Variants in PRKCE observed in about 807,000 individuals in gnomAD.
PRKCE encodes protein kinase C epsilon, also known as protein kinase C epsilon type.
PRKCE carries 16 observed loss-of-function variants against 85.4 expected under a neutral mutation model. The observed-to-expected ratio is 0.19, with a 90% CI of 0.13 to 0.28. The LOEUF (loss-of-function observed/expected upper bound fraction) is 0.28, where lower values mean the gene tolerates loss of function less well. Among genes scored for constraint, PRKCE ranks in the 10% least tolerant of loss-of-function variants. PRKCE has a pLI of 1.00. For synonymous variants in PRKCE, 388 were observed against 371.5 expected (o/e 1.04, Z -0.51); for missense variants, 573 against 975.2 (o/e 0.59, Z 5.49).
In PRKCE at chr2:45,652,981, A is replaced by T. The variant is rs139204157; in HGVS notation, c.348+533A>T. On this transcript the variant is annotated intron_variant, in intron 1 of 14. Transcript: ENST00000306156. This position sits in a 1 kb window ranked among gnomAD's most constrained non-coding sequence, Gnocchi z 7.7. ...GTGGTTAGCTCATCTTCTGACATAC[A>T]AGTAGAAAAAATGTGTTCTCCTCCA... 2.0e-5 allele frequency among the ~76,000 whole-genome samples: 3 copies of T among 152,038 alleles called. No homozygotes were observed. The highest frequency in any genetic ancestry group is 4.4e-5 in the Non-Finnish European group (3 of 67,976).
intron 1 of PRKCE, among the ~76,000 whole-genome samples, chr2:45,716,367 A>G (rs1426074180): frequency 6.6e-6 from 1 of 152,072 alleles, no homozygotes; most frequent in African/African-American, 2.4e-5. Flanking sequence ...AAATACAAAA[A>G]TTAGCCAGGC....
chr2:46,102,448 G>A (rs1671332488), intron 11 of PRKCE, among the ~76,000 whole-genome samples: 1 of 152,086 alleles, frequency 6.6e-6, no homozygotes, highest in African/African-American at 2.4e-5. Context: ...TGCAAAGATA[G>A]AACAGAGAGT....
chr2:46,065,504 A>G (rs553515160), intron 10 of PRKCE, among the ~76,000 whole-genome samples: 2 of 152,300 alleles, frequency 1.3e-5, no homozygotes, highest in Non-Finnish European at 1.5e-5. Context: ...TTTTGGTAAA[A>G]AATTTGTTGT....
chr2:45,776,216 A>T (rs1314413864), intron 1 of PRKCE, among the ~76,000 whole-genome samples: 1 of 152,216 alleles, frequency 6.6e-6, no homozygotes, highest in Non-Finnish European at 1.5e-5. Context: ...ACATGGGTTG[A>T]ATAGCAAAGC....
At chr2:45,961,333 C>A (rs1029540041) in intron 2 of PRKCE, among the ~76,000 whole-genome samples, 9 of 152,176 alleles carry the variant, frequency 5.9e-5, no homozygotes, top group African/African-American at 2.2e-4. Context: ...TACCTATTAC[C>A]TCTTGAATGA....
chr2:45,706,544 C>T (rs1341993744), intron 1 of PRKCE, among the ~76,000 whole-genome samples: 2 of 152,188 alleles, frequency 1.3e-5, no homozygotes, highest in Non-Finnish European at 1.5e-5. Context: ...TTGCAGGAGT[C>T]AGATTGGGTT....
intron 1 of PRKCE, among the ~76,000 whole-genome samples, chr2:45,818,873 G>A (rs1387120197): frequency 6.6e-6 from 1 of 152,224 alleles, no homozygotes; most frequent in South Asian, 2.1e-4. Context: ...CTAATAGCTT[G>A]CAAGAATCCA....
intron 2 of PRKCE, chr2:45,851,793 A>G (rs925651600): frequency 2.0e-5 from 3 of 152,250 alleles, no homozygotes; most frequent in African/African-American, 7.2e-5. Flanking sequence ...GGAACTCCAC[A>G]AAGAATGCTC....
chr2:46,090,158 T>A (rs1670024347), intron 11 of PRKCE, among the ~76,000 whole-genome samples: 1 of 152,162 alleles, frequency 6.6e-6, no homozygotes, highest in Non-Finnish European at 1.5e-5. Flanking sequence ...GCCATAATAA[T>A]CATAAACACA....
At chr2:45,689,379 G>T (rs1228754862) in intron 1 of PRKCE, among the ~76,000 whole-genome samples, 4 of 152,110 alleles carry the variant, frequency 2.6e-5, no homozygotes, top group Middle Eastern at 3.2e-3. Flanking sequence ...GAATGGCCAG[G>T]GGTCCGGCCT....
At chr2:45,914,028 C>A (rs978635198) in intron 2 of PRKCE, among the ~76,000 whole-genome samples, 5 of 152,200 alleles carry the variant, frequency 3.3e-5, no homozygotes, top group African/African-American at 9.7e-5. Flanking sequence ...ACTTTTCTTC[C>A]TGGATTGAAA....
intron 2 of PRKCE, among the ~76,000 whole-genome samples, chr2:45,855,520 T>C (rs927542358): frequency 1.1e-4 from 17 of 152,220 alleles, no homozygotes; most frequent in African/African-American, 4.1e-4. Flanking sequence ...CCTTAATGTC[T>C]CTCTCGTGTA....
At position 45,791,201 on chromosome 2, in the gene PRKCE, C is replaced by G. The variant is rs948459954; in HGVS notation, c.349-51799C>G. On this transcript the variant is annotated intron_variant, in intron 1 of 14. Coordinates refer to ENST00000306156, the MANE Select transcript of PRKCE (RefSeq NM_005400.3). ...GCCCTGCTGAACCTCCTCATTCCCA[C>G]CTAATCAGCCCCTTTAAGTCCTTTT... is the stretch of plus-strand genomic sequence containing the variant. Among the ~76,000 whole-genome samples the G allele has an allele frequency of 3.3e-5, 5 of 152,180 alleles. No homozygotes were observed. In the East Asian group the frequency reaches 5.8e-4, roughly 18 times the overall value.
chr2:45,789,034 G>T lies in PRKCE; in HGVS notation c.349-53966G>T, dbSNP rs546346230. ...CTCTCCTTGGGATTCTAATGTGCAA[G>T]CAAGGTGGAGAACCACCCACTTAGA... On this transcript the variant is annotated intron_variant, in intron 1 of 14. Transcript: ENST00000306156. Among the ~76,000 whole-genome samples the T allele has an allele frequency of 1.3e-3, 195 of 152,280 alleles. 2 individuals are homozygous for T. Among genetic ancestry groups the T allele is most frequent in the African/African-American group, 4.6e-3 (193 of 41,544 alleles).
At chr2:46,009,846 A>G (rs546555868) in intron 9 of PRKCE, among the ~76,000 whole-genome samples, 1 of 152,378 alleles carries the variant, frequency 6.6e-6, no homozygotes, top group Admixed American at 6.5e-5. Flanking sequence ...TGTCTGTAAG[A>G]TAATGTTCAG....
intron 2 of PRKCE, among the ~76,000 whole-genome samples, chr2:45,914,497 GT>G (rs2103861518): frequency 6.6e-6 from 1 of 152,326 alleles, no homozygotes; most frequent in Non-Finnish European, 1.5e-5. Context: ...TCCAGGAAGT[GT>G]GCGAGACTGA....
chr2:46,134,830 C>T (rs1189513432), intron 11 of PRKCE, among the ~76,000 whole-genome samples: 1 of 152,226 alleles, frequency 6.6e-6, no homozygotes. Flanking sequence ...CACGACGGAT[C>T]GTCAGGCTAG....
At chr2:46,140,916 G>A (rs1473334859) in intron 11 of PRKCE, among the ~76,000 whole-genome samples, 1 of 152,100 alleles carries the variant, frequency 6.6e-6, no homozygotes, top group African/African-American at 2.4e-5. Context: ...ATGAAAACAT[G>A]CTCGAACTTA....
At chr2:45,688,135 A>G (rs1052462789) in intron 1 of PRKCE, among the ~76,000 whole-genome samples, 2 of 152,228 alleles carry the variant, frequency 1.3e-5, no homozygotes, top group South Asian at 2.1e-4. Context: ...AATTTGACTC[A>G]GATAATGATG....
Sources: gnomAD v4.1 joint callset for allele counts (sites outside exome capture counted in the v4.1 genomes callset) on GRCh38, gnomAD v4.1.1 for gene constraint, Gnocchi (gnomAD v3.1) non-coding constraint, MANE v1.5 for transcripts, NCBI Gene and HGNC (gene_info 2026-07-23, HGNC 2026-07-21) for gene names.